ARHGEF3: variants seen among roughly 807,000 people sequenced by gnomAD.
ARHGEF3 encodes Rho guanine nucleotide exchange factor 3, also known as 59.8 kDA protein.
Under a neutral mutation model 63.2 loss-of-function variants are expected in ARHGEF3, and 28 were observed. That is an observed-to-expected ratio of 0.44 (90% CI 0.33 to 0.61). The LOEUF (loss-of-function observed/expected upper bound fraction) is 0.61, where lower values mean the gene tolerates loss of function less well. ARHGEF3 is among the 20% of genes least tolerant of loss of function. The pLI, the probability that ARHGEF3 is intolerant of heterozygous loss-of-function variation, is 0.03. For synonymous variants in ARHGEF3, 266 were observed against 254.2 expected (o/e 1.05, Z -0.44); for missense variants, 533 against 659.3 (o/e 0.81, Z 2.10).
chr3:56,731,127 G>C (rs1484605607), intron 9 of ARHGEF3, among the ~76,000 whole-genome samples: 2 of 152,204 alleles, frequency 1.3e-5, no homozygotes, highest in Non-Finnish European at 2.9e-5. Context: ...AGGGTAGAGG[G>C]ATTGATCAGT....
intron 1 of ARHGEF3, among the ~76,000 whole-genome samples, chr3:56,800,296 C>T (rs1261352922): frequency 6.6e-6 from 1 of 152,194 alleles, no homozygotes; most frequent in Non-Finnish European, 1.5e-5. Flanking sequence ...TGCGCTGCTC[C>T]TATGTTGATT....
rs369541685 is a variant in ARHGEF3, at chr3:56,871,112, G to T, written c.192+11180C>A. 5.9e-4 allele frequency among the ~76,000 whole-genome samples: 90 copies of T among 152,244 alleles called. 2 individuals are homozygous for T. The South Asian group carries it at 0.017, about 28-fold the overall frequency. On this transcript the variant is annotated intron_variant, in intron 4 of 12. Transcript: ENST00000338458. ...AGGAGGTAAGTGGGACTGGGGCATG[G>T]TAGAGTCACTGTTAGCTCTATCTCT...
intron 4 of ARHGEF3, among the ~76,000 whole-genome samples, chr3:56,842,359 C>T (rs759325112): frequency 3.9e-5 from 6 of 152,144 alleles, no homozygotes; most frequent in African/African-American, 7.2e-5. Context: ...GCTAATTTTG[C>T]ATCAATTACA....
chr3:56,729,017 G>A lies in ARHGEF3; in HGVS notation c.*253C>T. ...CCAGCAGGACAACTGAAAGTAACTT[G>A]TTTGAGTACCTCTCCATCCATCCAG... On this transcript the variant is annotated 3_prime_UTR_variant, in exon 10 of 10. Coordinates refer to ENST00000296315, the MANE Select transcript of ARHGEF3 (RefSeq NM_019555.3). The A allele has an allele frequency of 2.5e-6, 1 of 398,866 alleles. No homozygotes were observed. Among genetic ancestry groups the A allele is most frequent in the Non-Finnish European group, 4.5e-6 (1 of 224,486 alleles). 24.7% of individuals were successfully genotyped at this position (398,866 alleles called of 1,614,324 possible). A position where few individuals can be genotyped will look rare whatever the true frequency, so the allele number is the denominator to read the frequency against.
At chr3:56,905,873 T>C (rs1370586020) in intron 3 of ARHGEF3, among the ~76,000 whole-genome samples, 3 of 152,094 alleles carry the variant, frequency 2.0e-5, no homozygotes, top group Non-Finnish European at 4.4e-5. Context: ...TAAATTCACT[T>C]CTTTTTTTTG....
rs548674144 is a variant in ARHGEF3, at chr3:56,828,097, A to T, written c.192+54195T>A. On this transcript the variant is annotated intron_variant, in intron 4 of 12. Coordinates refer to the ARHGEF3 transcript ENST00000338458. The stretch of plus-strand genomic sequence containing the variant: ...TTTTTCATTTTACATACATTGTTAT[A>T]TTTACAACCATGAATGTAAGTATTG... Among the ~76,000 whole-genome samples the T allele has an allele frequency of 2.4e-4, 36 of 152,232 alleles. 2 individuals are homozygous for T. In the South Asian group the frequency reaches 7.5e-3, roughly 32 times the overall value.
At chr3:56,987,847 T>G (rs1159906297) in intron 2 of ARHGEF3, among the ~76,000 whole-genome samples, 2 of 152,204 alleles carry the variant, frequency 1.3e-5, no homozygotes, top group African/African-American at 4.8e-5. Flanking sequence ...CTTTTCAATT[T>G]TCAAGTATTT....
intron 4 of ARHGEF3, among the ~76,000 whole-genome samples, chr3:56,829,375 C>T (rs1039379): frequency 0.18 from 26,783 of 152,084 alleles, 2,439 homozygotes; most frequent in South Asian, 0.22. Flanking sequence ...GGAAGCTAGT[C>T]CCCTGGCTCC....
intron 2 of ARHGEF3, among the ~76,000 whole-genome samples, chr3:57,030,114 T>C (rs1703671201): frequency 6.6e-6 from 1 of 152,214 alleles, no homozygotes; most frequent in South Asian, 2.1e-4. Context: ...GCATGAAAAC[T>C]GCCTGCAGCG....
At chr3:57,010,778 A>G (rs554104167) in intron 2 of ARHGEF3, among the ~76,000 whole-genome samples, 1 of 152,272 alleles carries the variant, frequency 6.6e-6, no homozygotes, top group African/African-American at 2.4e-5. Flanking sequence ...AATCATGGGG[A>G]GACTAATCTT....
upstream of ARHGEF3, among the ~76,000 whole-genome samples, chr3:56,804,047 G>T (rs1442723092): frequency 1.3e-5 from 2 of 151,858 alleles, no homozygotes; most frequent in African/African-American, 2.4e-5. Flanking sequence ...AGTGTGCCCA[G>T]CTAATTTTTG....
chr3:56,755,609 AT>A (rs1334136782), intron 2 of ARHGEF3, among the ~76,000 whole-genome samples: 1 of 152,198 alleles, frequency 6.6e-6, no homozygotes, highest in Non-Finnish European at 1.5e-5. Context: ...CCTATTACAT[AT>A]AGTTTTGGTG....
At chr3:56,915,207 A>G (rs968176635) in intron 3 of ARHGEF3, among the ~76,000 whole-genome samples, 3 of 152,140 alleles carry the variant, frequency 2.0e-5, no homozygotes, top group African/African-American at 7.2e-5. Flanking sequence ...TAACCCCAGC[A>G]CTTTGGGAGG....
chr3:56,861,195 T>C (rs2040061061), intron 4 of ARHGEF3, among the ~76,000 whole-genome samples: 1 of 152,088 alleles, frequency 6.6e-6, no homozygotes, highest in Non-Finnish European at 1.5e-5. Flanking sequence ...CTGTCACCAG[T>C]GAGTGGTGGT....
intron 1 of ARHGEF3, among the ~76,000 whole-genome samples, chr3:57,078,051 C>T (rs1579236093): frequency 1.3e-5 from 2 of 152,312 alleles, no homozygotes; most frequent in South Asian, 2.1e-4. Context: ...ATCACAAGAG[C>T]AGCTAACACA....
In ARHGEF3 at chr3:56,740,983, A is replaced by C. The variant is rs1312296908; in HGVS notation, c.871-3628T>G. The stretch of plus-strand genomic sequence containing the variant: ...GCCATGGCAGTTCCTTATGCAGCTA[A>C]GATTAGTTTCAAATACTGCTTCTTT... On this transcript the variant is annotated intron_variant, in intron 7 of 9. Transcript: ENST00000296315. Among the ~76,000 whole-genome samples, 6 of 152,254 alleles carry C rather than the reference A, an allele frequency of 3.9e-5. No individual in the cohort carries two copies. In the East Asian group the frequency reaches 1.2e-3, roughly 29 times the overall value.
chr3:56,810,173 A>T (rs2038014146), intron 4 of ARHGEF3, among the ~76,000 whole-genome samples: 1 of 152,224 alleles, frequency 6.6e-6, no homozygotes, highest in Admixed American at 6.5e-5. Flanking sequence ...TTTCTCCTCC[A>T]TCAACTACAA....
rs149915636 is a variant in ARHGEF3 at position 56,749,167 on chromosome 3, C to T, written c.612+1889G>A. ...CATTTCTCACGAAGTCTGGCAACAA[C>T]GGGCCAGTTGTTTAATTTTAGGCTG... On this transcript the variant is annotated intron_variant, in intron 6 of 9. Coordinates refer to ENST00000296315, the MANE Select transcript of ARHGEF3 (RefSeq NM_019555.3). 7.2e-5 allele frequency among the ~76,000 whole-genome samples: 11 copies of T among 152,214 alleles called. No homozygotes were observed. In the East Asian group the frequency reaches 7.7e-4, roughly 11 times the overall value.
At chr3:57,026,206 C>T (rs529773616) in intron 2 of ARHGEF3, among the ~76,000 whole-genome samples, 1 of 152,158 alleles carries the variant, frequency 6.6e-6, no homozygotes, top group East Asian at 1.9e-4. Flanking sequence ...TTGAGACCAG[C>T]CTGGACAACA....
Sources: gnomAD v4.1 joint callset for allele counts (sites outside exome capture counted in the v4.1 genomes callset) on GRCh38, gnomAD v4.1.1 for gene constraint, MANE v1.5 for transcripts, NCBI Gene and HGNC (gene_info 2026-07-23, HGNC 2026-07-21) for gene names.